Variants in KCNQ3 observed in about 807,000 individuals in gnomAD.
KCNQ3 encodes the protein potassium voltage-gated channel subfamily KQT member 3.
KCNQ3 carries 30 observed loss-of-function variants against 92.5 expected under a neutral mutation model. The ratio of observed to expected loss-of-function variants is 0.32; its 90% CI spans 0.24 to 0.44. The LOEUF (loss-of-function observed/expected upper bound fraction) is 0.44, where lower values mean the gene tolerates loss of function less well. Ranked by LOEUF, KCNQ3 falls within the 20% of genes least tolerant of loss-of-function variation. KCNQ3 has a pLI of 1.00. For missense variants in KCNQ3, 913 were observed against 1,140.3 expected, an observed-to-expected ratio of 0.80 and a Z score of 2.87; for synonymous variants, 450 against 468.8, an observed-to-expected ratio of 0.96 and a Z score of 0.52.
At chr8:132,369,299 A>G (rs1819407020) in intron 1 of KCNQ3, among the ~76,000 whole-genome samples, 1 of 152,154 alleles carries the variant, frequency 6.6e-6, no homozygotes, top group South Asian at 2.1e-4. Flanking sequence ...TAATTAGCAG[A>G]AAGTCACAAC....
At chr8:132,449,760 G>T (rs1391946710) in intron 1 of KCNQ3, among the ~76,000 whole-genome samples, 1 of 152,176 alleles carries the variant, frequency 6.6e-6, no homozygotes, top group African/African-American at 2.4e-5. Flanking sequence ...AGAGCTGGGG[G>T]CTACATGTGG....
At chr8:132,222,917 A>G (rs1325576686) in intron 1 of KCNQ3, among the ~76,000 whole-genome samples, 6 of 152,238 alleles carry the variant, frequency 3.9e-5, no homozygotes, top group Admixed American at 6.5e-5. Context: ...TATTAAATCA[A>G]TGCCAGCTTG....
At chr8:132,379,011 G>A (rs1487534122) in intron 1 of KCNQ3, among the ~76,000 whole-genome samples, 2 of 152,216 alleles carry the variant, frequency 1.3e-5, no homozygotes, top group Non-Finnish European at 1.5e-5. Context: ...TGAACGTTGA[G>A]TTAACCAAGC....
chr8:132,366,058 C>G (rs973442870), intron 1 of KCNQ3, among the ~76,000 whole-genome samples: 3 of 152,140 alleles, frequency 2.0e-5, no homozygotes, highest in African/African-American at 7.2e-5. Flanking sequence ...TTGAGATAAA[C>G]TATATAGAGA....
At position 132,330,688 on chromosome 8, in the gene KCNQ3, C is replaced by T. The variant is rs1818203291; in HGVS notation, c.387-144507G>A. Reference sequence around the variant, plus strand: ...AGGAGCTGGGAAGTAAGTGAGAGTTCCCTAGTCCCTGATTTTCTGCAGCCA... The same window carrying T: ...AGGAGCTGGGAAGTAAGTGAGAGTTTCCTAGTCCCTGATTTTCTGCAGCCA... On this transcript the variant is annotated intron_variant, in intron 1 of 14. Coordinates refer to ENST00000388996, the MANE Select transcript of KCNQ3 (RefSeq NM_004519.4). Among the ~76,000 whole-genome samples the T allele has an allele frequency of 3.9e-5, 6 of 152,324 alleles. No individual in the cohort carries two copies. The South Asian group carries it at 1.2e-3, about 32-fold the overall frequency.
chr8:132,136,508 A>C (rs571845766), intron 12 of KCNQ3, among the ~76,000 whole-genome samples: 1 of 152,198 alleles, frequency 6.6e-6, no homozygotes, highest in Non-Finnish European at 1.5e-5. Flanking sequence ...CAGTACAGCC[A>C]CTGCAGTCTC....
intron 1 of KCNQ3, among the ~76,000 whole-genome samples, chr8:132,435,231 A>T (rs1308064010): frequency 6.6e-6 from 1 of 152,164 alleles, no homozygotes; most frequent in African/African-American, 2.4e-5. Flanking sequence ...TTATTTGATT[A>T]TTTATCAGTG....
At chr8:132,189,122 C>G (rs1827081586) in intron 1 of KCNQ3, among the ~76,000 whole-genome samples, 1 of 152,202 alleles carries the variant, frequency 6.6e-6, no homozygotes. Flanking sequence ...ACAGAACTTC[C>G]TCAAATTCTC....
chr8:132,296,381 CTTTTT>C (rs944185136), intron 1 of KCNQ3, among the ~76,000 whole-genome samples: 1 of 151,876 alleles, frequency 6.6e-6, no homozygotes, highest in African/African-American at 2.4e-5. Context: ...TCCAAAGCCT[CTTTTT>C]ATTTTATTTT....
intron 1 of KCNQ3, among the ~76,000 whole-genome samples, chr8:132,280,843 C>A (rs1481816337): frequency 6.6e-6 from 1 of 152,152 alleles, no homozygotes; most frequent in Non-Finnish European, 1.5e-5. Context: ...GCATTTGTCA[C>A]GTAGTTGGCA....
chr8:132,480,672 C>CCG lies in KCNQ3; in HGVS notation c.-141_-140insCG. On this transcript the variant is annotated 5_prime_UTR_variant, in exon 1 of 15. Transcript: ENST00000388996. Reference sequence around the variant, plus strand: ...CCATGATCCGCGCGCCCCTCCCCACCCCCCCCCAAAAGCAGGCAAAGGCGG... The same window carrying CCG: ...CCATGATCCGCGCGCCCCTCCCCACCCGCCCCCCCAAAAGCAGGCAAAGGCGG... 1 of 913,422 alleles carries CCG rather than the reference C, an allele frequency of 1.1e-6. No individual in the cohort carries two copies. The highest frequency in any genetic ancestry group is 3.9e-5 in the South Asian group (1 of 25,970). 56.6% of individuals were successfully genotyped at this position (913,422 alleles called of 1,614,324 possible). A position where few individuals can be genotyped will look rare whatever the true frequency, so the allele number is the denominator to read the frequency against.
intron 1 of KCNQ3, among the ~76,000 whole-genome samples, chr8:132,285,033 C>A (rs796652973): frequency 2.6e-5 from 4 of 152,216 alleles, no homozygotes; most frequent in African/African-American, 7.2e-5. Context: ...CAAAATAAAC[C>A]TCGTTTCTGT....
At chr8:132,328,462 TC>T (rs1818127998) in intron 1 of KCNQ3, among the ~76,000 whole-genome samples, 1 of 152,062 alleles carries the variant, frequency 6.6e-6, no homozygotes, top group African/African-American at 2.4e-5. Flanking sequence ...CAGGGAATGA[TC>T]CCCTGAGTTC....
intron 1 of KCNQ3, among the ~76,000 whole-genome samples, chr8:132,365,546 T>A (rs762896107): frequency 1.3e-5 from 2 of 152,240 alleles, no homozygotes; most frequent in African/African-American, 2.4e-5. Context: ...ATTTTGCAGC[T>A]GTGTGCAACC....
chr8:132,450,059 C>T (rs1169582277), intron 1 of KCNQ3, among the ~76,000 whole-genome samples: 1 of 152,106 alleles, frequency 6.6e-6, no homozygotes, highest in Non-Finnish European at 1.5e-5. Context: ...GGCATGGACC[C>T]AAAGAGTGAG....
At chr8:132,426,066 A>G (rs1047460647) in intron 1 of KCNQ3, among the ~76,000 whole-genome samples, 17 of 152,242 alleles carry the variant, frequency 1.1e-4, no homozygotes, top group Admixed American at 9.2e-4. Flanking sequence ...TTGATTCCAC[A>G]AGCTTTTGGC....
At chr8:132,374,485 C>T (rs1819558630) in intron 1 of KCNQ3, among the ~76,000 whole-genome samples, 1 of 152,204 alleles carries the variant, frequency 6.6e-6, no homozygotes, top group African/African-American at 2.4e-5. Flanking sequence ...CCCCCGCTGG[C>T]ACTTGCGGCA....
chr8:132,390,620 T>C (rs1820025910), intron 1 of KCNQ3, among the ~76,000 whole-genome samples: 1 of 152,116 alleles, frequency 6.6e-6, no homozygotes, highest in Non-Finnish European at 1.5e-5. Context: ...TGGAACACTG[T>C]ATAAGAGCAA....
At chr8:132,232,145 C>T (rs1223718685) in intron 1 of KCNQ3, among the ~76,000 whole-genome samples, 3 of 152,212 alleles carry the variant, frequency 2.0e-5, no homozygotes, top group Non-Finnish European at 4.4e-5. Context: ...AGAGGAGCAT[C>T]TACTCTTGCT....
Sources: allele counts gnomAD v4.1 joint callset (sites outside exome capture counted in the v4.1 genomes callset), GRCh38; gene constraint gnomAD v4.1.1; transcripts MANE v1.5; gene names NCBI Gene and HGNC (gene_info 2026-07-23, HGNC 2026-07-21).